Variants in HCRTR2 observed in about 807,000 individuals in gnomAD.
HCRTR2 encodes orexin receptor type 2.
In HCRTR2, 22 loss-of-function variants were observed where a neutral mutation model predicts 49.0. That is an observed-to-expected ratio of 0.45 (90% confidence interval 0.32 to 0.64). HCRTR2 has a LOEUF of 0.64. HCRTR2 is among the 30% of genes least tolerant of loss of function. The pLI, the probability that HCRTR2 is intolerant of heterozygous loss-of-function variation, is 0.04. For synonymous variants in HCRTR2, 236 were observed against 205.3 expected (o/e 1.15, Z -1.28); for missense variants, 491 against 559.4 (o/e 0.88, Z 1.23).
At chr6:55,281,616 G>C (rs537844436) in intron 6 of HCRTR2, among the ~76,000 whole-genome samples, 1 of 152,170 alleles carries the variant, frequency 6.6e-6, no homozygotes, top group Non-Finnish European at 1.5e-5. Context: ...TAATAAAAGT[G>C]ATTCATTCAT....
At chr6:55,263,550 A>T (rs1766807137) in intron 3 of HCRTR2, among the ~76,000 whole-genome samples, 157 bp from the exon 4 acceptor site, 1 of 152,152 alleles carries the variant, frequency 6.6e-6, no homozygotes, top group South Asian at 2.1e-4. Flanking sequence ...ATAAGTTGTT[A>T]AATATTATGA....
In HCRTR2 at chr6:55,194,154, G is replaced by A. The variant is rs373758486; in HGVS notation, c.223+19344G>A. Among the ~76,000 whole-genome samples, 108 of 152,276 alleles carry A rather than the reference G, an allele frequency of 7.1e-4. 3 individuals are homozygous for A. In the South Asian group the frequency reaches 0.017, roughly 24 times the overall value. ...GTATTAACTTTCTTAGGAATGAGAA[G>A]TAGAATCTTAAAAACCTTAGAATGG... On this transcript the variant is annotated intron_variant, in intron 1 of 6. Coordinates refer to ENST00000370862, the MANE Select transcript of HCRTR2 (RefSeq NM_001384272.1).
intron 1 of HCRTR2, among the ~76,000 whole-genome samples, chr6:55,225,070 T>C (rs1765976206): frequency 6.6e-6 from 1 of 152,174 alleles, no homozygotes; most frequent in Non-Finnish European, 1.5e-5. Flanking sequence ...CCTTTAGCCA[T>C]TCCACAATGT....
chr6:55,144,315 C>T (rs12205257), intron 1 of HCRTR2, among the ~76,000 whole-genome samples: 7,885 of 151,850 alleles, frequency 0.052, 284 homozygotes, highest in African/African-American at 0.096. Flanking sequence ...GGGGTTTCTC[C>T]ACATTGGTCA....
intron 1 of HCRTR2, among the ~76,000 whole-genome samples, chr6:55,155,757 A>G (rs927490664): frequency 6.6e-6 from 1 of 152,024 alleles, no homozygotes; most frequent in African/African-American, 2.4e-5. Context: ...ATCAGATTGA[A>G]TCATGTTTAT....
intron 1 of HCRTR2, among the ~76,000 whole-genome samples, chr6:55,164,700 C>A (rs1325545098): frequency 6.6e-6 from 1 of 152,044 alleles, no homozygotes; most frequent in Non-Finnish European, 1.5e-5. Flanking sequence ...GTGCAGCAAA[C>A]CACCGTGGCA....
intron 1 of HCRTR2, among the ~76,000 whole-genome samples, chr6:55,219,359 C>A (rs1043065222): frequency 6.6e-6 from 1 of 152,094 alleles, no homozygotes; most frequent in African/African-American, 2.4e-5. Flanking sequence ...TTTCTGAACA[C>A]AGTGGAATGA....
At chr6:55,205,207 A>G (rs559045507) in intron 1 of HCRTR2, among the ~76,000 whole-genome samples, 2 of 152,348 alleles carry the variant, frequency 1.3e-5, no homozygotes, top group African/African-American at 4.8e-5. Context: ...TGGGAAATGG[A>G]GCACATACTT....
intron 1 of HCRTR2, among the ~76,000 whole-genome samples, chr6:55,137,800 T>C (rs1764453057): frequency 6.6e-6 from 1 of 152,212 alleles, no homozygotes; most frequent in Admixed American, 6.5e-5. Context: ...GTGATAGTTT[T>C]TATGAAAGCA....
chr6:55,123,747 A>G (rs80215150), intron 1 of HCRTR2, among the ~76,000 whole-genome samples: 1 of 152,134 alleles, frequency 6.6e-6, no homozygotes, highest in Non-Finnish European at 1.5e-5. Context: ...CTGTGAATCC[A>G]TCTGGTCCTG....
intron 1 of HCRTR2, among the ~76,000 whole-genome samples, chr6:55,183,946 G>A (rs978029640): frequency 1.3e-5 from 2 of 149,106 alleles, no homozygotes; most frequent in African/African-American, 4.9e-5. Context: ...TTTTTTTTTT[G>A]AGATAAAGTC....
At chr6:55,270,738 C>CCCAAGAT in intron 4 of HCRTR2, among the ~76,000 whole-genome samples, 1 of 152,178 alleles carries the variant, frequency 6.6e-6, no homozygotes, top group Non-Finnish European at 1.5e-5. Context: ...ACTTAAGTCA[C>CCCAAGAT]ATCTACAAGA....
At chr6:55,279,650 T>C (rs992552425) in intron 5 of HCRTR2, among the ~76,000 whole-genome samples, 1 of 152,136 alleles carries the variant, frequency 6.6e-6, no homozygotes, top group Non-Finnish European at 1.5e-5. Context: ...CTGTTATAGG[T>C]TAGTGATTAG....
At chr6:55,133,196 T>C (rs1362484931) in intron 1 of HCRTR2, among the ~76,000 whole-genome samples, 1 of 151,906 alleles carries the variant, frequency 6.6e-6, no homozygotes, top group Admixed American at 6.6e-5. Flanking sequence ...AAATTTTTTT[T>C]ACCTCGGTAC....
At chr6:55,220,588 T>TAAC (rs1183772454) in intron 1 of HCRTR2, among the ~76,000 whole-genome samples, 1 of 152,158 alleles carries the variant, frequency 6.6e-6, no homozygotes, top group Non-Finnish European at 1.5e-5. Flanking sequence ...TATCAAAAGC[T>TAAC]AACAGATAAC....
At chr6:55,127,477 C>T (rs551218259) in intron 1 of HCRTR2, among the ~76,000 whole-genome samples, 49 of 152,274 alleles carry the variant, frequency 3.2e-4, no homozygotes, top group Middle Eastern at 6.8e-3. Context: ...CTGCGTTGGA[C>T]TTGCTGGGAG....
intron 1 of HCRTR2, among the ~76,000 whole-genome samples, chr6:55,123,983 A>T (rs913050436): frequency 2.6e-5 from 4 of 151,918 alleles, no homozygotes; most frequent in African/African-American, 7.3e-5. Flanking sequence ...CTCCTATATC[A>T]TTTTTATTGT....
chr6:55,161,198 T>G (rs572653238), intron 1 of HCRTR2, among the ~76,000 whole-genome samples: 1 of 152,108 alleles, frequency 6.6e-6, no homozygotes, highest in South Asian at 2.1e-4. Flanking sequence ...ACCGCACAAC[T>G]ACATGGAAAC....
intron 1 of HCRTR2, among the ~76,000 whole-genome samples, chr6:55,115,222 G>A (rs1764099227): frequency 1.3e-5 from 2 of 151,626 alleles, no homozygotes; most frequent in South Asian, 4.2e-4. Context: ...TAACTTATGA[G>A]TTCTCCAACC....
Sources: allele counts gnomAD v4.1 joint callset (sites outside exome capture counted in the v4.1 genomes callset), GRCh38; gene constraint gnomAD v4.1.1; transcripts MANE v1.5; gene names NCBI Gene and HGNC (gene_info 2026-07-23, HGNC 2026-07-21).